The following SLC35F4 variants were observed in gnomAD, a reference collection of about 807,000 sequenced individuals.
SLC35F4 encodes chromosome 14 open reading frame 36.
Under a neutral mutation model 44.2 loss-of-function variants are expected in SLC35F4, and 24 were observed. The ratio of observed to expected loss-of-function variants is 0.54; its 90% CI spans 0.39 to 0.76. The LOEUF is 0.76. SLC35F4 is among the 30% of genes least tolerant of loss of function. The probability of loss-of-function intolerance (pLI) is 0.00; values close to 1 mark genes in which losing one functional copy is unlikely to be tolerated. For synonymous variants in SLC35F4, 238 were observed against 223.6 expected (o/e 1.06, Z -0.57); for missense variants, 562 against 586.1 (o/e 0.96, Z 0.42).
chr14:57,700,318 G>A (rs551613906), intron 1 of SLC35F4, among the ~76,000 whole-genome samples: 1 of 151,930 alleles, frequency 6.6e-6, no homozygotes, highest in Admixed American at 6.6e-5. Flanking sequence ...GACAGAAAAT[G>A]GTACACCTGT....
chr14:57,637,659 T>C (rs1005979016), intron 1 of SLC35F4, among the ~76,000 whole-genome samples: 1 of 152,110 alleles, frequency 6.6e-6, no homozygotes, highest in Non-Finnish European at 1.5e-5. Context: ...ATTACCACCA[T>C]TGGACTGTAC....
chr14:57,620,826 C>T (rs2072138608), intron 1 of SLC35F4, among the ~76,000 whole-genome samples: 1 of 152,094 alleles, frequency 6.6e-6, no homozygotes, highest in Non-Finnish European at 1.5e-5. Context: ...GGCAATTAGG[C>T]AGGAGAAGGA....
intron 1 of SLC35F4, among the ~76,000 whole-genome samples, chr14:57,764,261 A>G (rs1260577465): frequency 6.6e-6 from 1 of 152,166 alleles, no homozygotes; most frequent in Non-Finnish European, 1.5e-5. Flanking sequence ...TTTGTTATGT[A>G]GCAATAGTCA....
At chr14:57,909,205 A>G (rs1889167612) in intron 1 of SLC35F4, among the ~76,000 whole-genome samples, 1 of 152,124 alleles carries the variant, frequency 6.6e-6, no homozygotes, top group South Asian at 2.1e-4. Flanking sequence ...GTTTTTGCAC[A>G]TGGACAACCT....
At chr14:57,740,631 A>G (rs1033249272) in intron 1 of SLC35F4, among the ~76,000 whole-genome samples, 5 of 152,264 alleles carry the variant, frequency 3.3e-5, no homozygotes, top group Non-Finnish European at 7.3e-5. Flanking sequence ...ACATTCTAAA[A>G]TAGCTAGAAG....
intron 1 of SLC35F4, among the ~76,000 whole-genome samples, chr14:57,860,148 C>T (rs1595238256): frequency 6.6e-6 from 1 of 152,068 alleles, no homozygotes; most frequent in African/African-American, 2.4e-5. Flanking sequence ...CGTCCAAGCA[C>T]CCAGAGAGCC....
intron 1 of SLC35F4, among the ~76,000 whole-genome samples, chr14:57,880,034 GAGGAAGGAAGGA>G (rs59505576): frequency 0.14 from 12,923 of 92,330 alleles, 1,135 homozygotes; most frequent in Admixed American, 0.17. Context: ...GGAAAGGAGG[GAGGAAGGAAGGA>G]AGGAAGGAAG....
At chr14:57,599,826 C>T (rs1472644071) in intron 1 of SLC35F4, among the ~76,000 whole-genome samples, 2 of 149,848 alleles carry the variant, frequency 1.3e-5, no homozygotes, top group African/African-American at 2.5e-5. Flanking sequence ...AAAACAACAC[C>T]AGAATTTGGA....
intron 1 of SLC35F4, among the ~76,000 whole-genome samples, chr14:57,833,715 G>A (rs921125759): frequency 8.5e-5 from 13 of 152,166 alleles, no homozygotes; most frequent in African/African-American, 2.9e-4. Flanking sequence ...ATCTCCCGTT[G>A]GCTTTCCAAT....
At chr14:57,629,810 T>C (rs1022609286) in intron 1 of SLC35F4, 2 of 334,678 alleles carry the variant, frequency 6.0e-6, no homozygotes, top group South Asian at 4.9e-5. Flanking sequence ...TGCATGACTG[T>C]AGACGAGAAG....
rs72624752 is a variant in SLC35F4 at position 57,916,330 on chromosome 14, G to A, written n.282+65583C>T. ...CCCACCTCTCAACACCGTTATGATG[G>A]CAATTAAATTTCAAATGAGTTTTGG... On this transcript the variant is annotated intron_variant and non_coding_transcript_variant, in intron 1 of 1. Transcript: ENST00000556568. Among the ~76,000 whole-genome samples the A allele has an allele frequency of 0.021, 3,255 of 152,272 alleles. 398 individuals are homozygous for A. In the East Asian group the frequency reaches 0.38, roughly 18 times the overall value.
intron 1 of SLC35F4, among the ~76,000 whole-genome samples, chr14:57,748,577 C>A (rs1307353500): frequency 6.6e-6 from 1 of 152,090 alleles, no homozygotes; most frequent in African/African-American, 2.4e-5. Flanking sequence ...TGCATTTTAA[C>A]AAGATACCAA....
At chr14:57,682,467 C>T (rs533021986) in intron 1 of SLC35F4, among the ~76,000 whole-genome samples, 12 of 151,862 alleles carry the variant, frequency 7.9e-5, no homozygotes, top group Admixed American at 2.6e-4. Flanking sequence ...ACACAGGGAG[C>T]GGAACATCAC....
chr14:57,849,261 A>C (rs900081845), intron 1 of SLC35F4, among the ~76,000 whole-genome samples: 56 of 152,354 alleles, frequency 3.7e-4, no homozygotes, highest in African/African-American at 1.3e-3. Flanking sequence ...TCCTGGGTTC[A>C]AGCGATCCTG....
intron 1 of SLC35F4, among the ~76,000 whole-genome samples, chr14:57,617,270 A>C (rs1479431350): frequency 6.6e-6 from 1 of 150,830 alleles, no homozygotes; most frequent in Non-Finnish European, 1.5e-5. Flanking sequence ...AGCTGGGACT[A>C]CAGGCGCCTG....
chr14:57,600,663 G>A (rs2070762768), intron 1 of SLC35F4, among the ~76,000 whole-genome samples: 1 of 100,012 alleles, frequency 1.0e-5, no homozygotes, highest in African/African-American at 3.9e-5. Flanking sequence ...CTGCACTCCA[G>A]CCTGGGCGAC....
At chr14:57,753,583 ATC>A (rs948500864) in intron 1 of SLC35F4, among the ~76,000 whole-genome samples, 1 of 152,116 alleles carries the variant, frequency 6.6e-6, no homozygotes, top group African/African-American at 2.4e-5. Flanking sequence ...GTGTTCCTTG[ATC>A]TGTTTCCCAC....
At chr14:57,675,779 T>C (rs1594771305) in intron 1 of SLC35F4, among the ~76,000 whole-genome samples, 1 of 152,078 alleles carries the variant, frequency 6.6e-6, no homozygotes, top group African/African-American at 2.4e-5. Flanking sequence ...GATCATATGG[T>C]TTTTGTTTTT....
chr14:57,741,226 C>T (rs7152603), intron 1 of SLC35F4, among the ~76,000 whole-genome samples: 27,885 of 152,144 alleles, frequency 0.18, 2,890 homozygotes, highest in South Asian at 0.28. Flanking sequence ...CAAAGCTGGA[C>T]GGAGAATGAC....
Sources: allele counts gnomAD v4.1 joint callset (sites outside exome capture counted in the v4.1 genomes callset), GRCh38; gene constraint gnomAD v4.1.1; transcripts MANE v1.5; gene names NCBI Gene and HGNC (gene_info 2026-07-23, HGNC 2026-07-21).